Variants in EHMT1 observed in about 807,000 individuals in gnomAD.
EHMT1 encodes the protein histone-lysine N-methyltransferase EHMT1.
Under a neutral mutation model 147.2 loss-of-function variants are expected in EHMT1, and 15 were observed. The ratio of observed to expected loss-of-function variants is 0.10; its 90% CI spans 0.07 to 0.16. The LOEUF (loss-of-function observed/expected upper bound fraction) is 0.16, where lower values mean the gene tolerates loss of function less well. Ranked by LOEUF, EHMT1 falls within the 10% of genes least tolerant of loss-of-function variation. The pLI is 1.00. For missense variants in EHMT1, 1,587 were observed against 1,772.4 expected, an observed-to-expected ratio of 0.90 and a Z score of 1.88; for synonymous variants, 795 against 709.6, an observed-to-expected ratio of 1.12 and a Z score of -1.91.
chr9:137,645,712 T>C (rs1844836993), intron 1 of EHMT1, among the ~76,000 whole-genome samples: 1 of 152,098 alleles, frequency 6.6e-6, no homozygotes, highest in South Asian at 2.1e-4. Flanking sequence ...GCTTTTGTAC[T>C]TGCAGCGCTG....
At chr9:137,792,247 C>G in intron 16 of EHMT1, 1 of 368,380 alleles carries the variant, frequency 2.7e-6, no homozygotes. Context: ...ATAAAAAGCC[C>G]AGAAATAAAC....
chr9:137,678,419 T>C (rs1941598899), intron 1 of EHMT1, among the ~76,000 whole-genome samples: 1 of 152,316 alleles, frequency 6.6e-6, no homozygotes, highest in Middle Eastern at 3.4e-3. Flanking sequence ...TTGAACTTTT[T>C]ATTGTGAAAT....
At chr9:137,788,176 C>T in intron 15 of EHMT1, 1 of 735,212 alleles carries the variant, frequency 1.4e-6, no homozygotes, top group Non-Finnish European at 2.1e-6. Context: ...CACCCCGTAC[C>T]TGCCTGCAGA....
At chr9:137,739,243 G>T (rs1947836543) in intron 4 of EHMT1, among the ~76,000 whole-genome samples, 1 of 151,616 alleles carries the variant, frequency 6.6e-6, no homozygotes, top group Non-Finnish European at 1.5e-5. Flanking sequence ...GGTGGCCCAG[G>T]TACTCAGGAG....
At chr9:137,741,499 C>T (rs1402480934) in intron 4 of EHMT1, among the ~76,000 whole-genome samples, 1 of 152,156 alleles carries the variant, frequency 6.6e-6, no homozygotes, top group East Asian at 1.9e-4. Context: ...AGACAGTGGG[C>T]ATGGGTGTGC....
Position 137,818,056 on chromosome 9 carries a change from G to C in EHMT1, c.3462-4G>C, listed in dbSNP as rs374317041. ...GGGCCTCACCTGCACCGCACCCTCT[G>C]CAGGTATGTTGGGGAGCTGATTTCA... On this transcript the variant is annotated splice_region_variant and splice_polypyrimidine_tract_variant and intron_variant, in intron 24 of 26. Transcript: ENST00000460843. 57 of 1,614,064 alleles carry C rather than the reference G, an allele frequency of 3.5e-5. No individual in the cohort carries two copies. The highest frequency in any genetic ancestry group is 4.6e-5 in the Non-Finnish European group (54 of 1,180,038).
intron 10 of EHMT1, among the ~76,000 whole-genome samples, chr9:137,767,972 A>G (rs1040332474): frequency 6.6e-6 from 1 of 152,098 alleles, no homozygotes; most frequent in Non-Finnish European, 1.5e-5. Flanking sequence ...TTGTGATCAG[A>G]TATGTTTAGA....
intron 14 of EHMT1, among the ~76,000 whole-genome samples, chr9:137,781,765 A>AGGTTTTTAAAGAAAGGT (rs1951574592): frequency 1.3e-5 from 2 of 152,154 alleles, no homozygotes; most frequent in Admixed American, 6.5e-5. Flanking sequence ...AAGAAGTGAA[A>AGGTTTTTAAAGAAAGGT]CTATTTGCTT....
intron 1 of EHMT1, chr9:137,651,063 TCAAA>T (rs1388961735): frequency 6.6e-6 from 1 of 151,884 alleles, no homozygotes; most frequent in East Asian, 1.9e-4. Context: ...AGACCCTATC[TCAAA>T]CAAAACAAAA....
chr9:137,789,710 C>G (rs530536748), intron 15 of EHMT1, among the ~76,000 whole-genome samples: 23 of 152,214 alleles, frequency 1.5e-4, no homozygotes, highest in African/African-American at 5.5e-4. Flanking sequence ...ACTTGCCCCT[C>G]TGTTTTGTGG....
intron 1 of EHMT1, among the ~76,000 whole-genome samples, chr9:137,661,588 C>A (rs1283107427): frequency 6.6e-6 from 1 of 150,658 alleles, no homozygotes; most frequent in African/African-American, 2.4e-5. Context: ...TGAGTTCCAG[C>A]AATTCTCCTG....
intron 1 of EHMT1, among the ~76,000 whole-genome samples, chr9:137,710,039 C>T (rs913875213): frequency 1.3e-5 from 2 of 152,118 alleles, no homozygotes; most frequent in Admixed American, 1.3e-4. Flanking sequence ...CTGCTGCCTC[C>T]TTATGGACTC....
intron 6 of EHMT1, chr9:137,745,643 G>A (rs897196148): frequency 5.0e-6 from 2 of 397,922 alleles, no homozygotes; most frequent in Admixed American, 4.4e-5. Context: ...AGCAGCTGCC[G>A]CGGTCTCTGC....
intron 1 of EHMT1, among the ~76,000 whole-genome samples, chr9:137,651,685 C>G (rs1326092686): frequency 2.0e-5 from 3 of 152,132 alleles, no homozygotes; most frequent in Non-Finnish European, 4.4e-5. Context: ...ATCCCAGCTA[C>G]TTGGGAGGCT....
chr9:137,718,457 C>A (rs1035770839), intron 3 of EHMT1, among the ~76,000 whole-genome samples: 3 of 152,246 alleles, frequency 2.0e-5, no homozygotes, highest in African/African-American at 7.2e-5. Flanking sequence ...AGATCGTTTG[C>A]TCTTTCCCCT....
chr9:137,815,477 A>C (rs1052987605), intron 22 of EHMT1: 1 of 263,772 alleles, frequency 3.8e-6, no homozygotes, highest in African/African-American at 2.2e-5. Context: ...ATCTGCACCC[A>C]GTGCTGCTGT....
At chr9:137,729,713 C>G (rs370162646) in intron 4 of EHMT1, among the ~76,000 whole-genome samples, 2 of 152,292 alleles carry the variant, frequency 1.3e-5, no homozygotes, top group East Asian at 1.9e-4. Context: ...CCCCGGCCCC[C>G]CCATGTATTA....
chr9:137,693,451 A>G (rs980344844), intron 1 of EHMT1, among the ~76,000 whole-genome samples: 6 of 152,140 alleles, frequency 3.9e-5, no homozygotes, highest in African/African-American at 1.2e-4. Flanking sequence ...GGGCACAGAG[A>G]GGTTAAGAAA....
At chr9:137,680,339 G>A (rs1429968023) in intron 1 of EHMT1, among the ~76,000 whole-genome samples, 2 of 152,090 alleles carry the variant, frequency 1.3e-5, no homozygotes, top group Non-Finnish European at 2.9e-5. Context: ...CAGGTGTGGT[G>A]GTGCACGCTT....
Sources: gnomAD v4.1 joint callset for allele counts (sites outside exome capture counted in the v4.1 genomes callset) on GRCh38, gnomAD v4.1.1 for gene constraint, MANE v1.5 for transcripts, NCBI Gene and HGNC (gene_info 2026-07-23, HGNC 2026-07-21) for gene names.